AKT3: variants seen among roughly 807,000 people sequenced by gnomAD.
The protein encoded by AKT3 is AKT serine/threonine kinase 3, also known as RAC-gamma serine/threonine-protein kinase.
A neutral mutation model predicts 65.3 loss-of-function variants in AKT3; 15 were observed. The observed-to-expected ratio is 0.23, with a 90% CI of 0.15 to 0.35. The LOEUF is 0.35. Ranked by LOEUF, AKT3 falls within the 10% of genes least tolerant of loss-of-function variation. AKT3 has a pLI of 1.00. For missense variants in AKT3, 243 were observed against 576.5 expected (o/e 0.42, Z 5.92); for synonymous variants, 206 against 183.8 (o/e 1.12, Z -0.98).
At chr1:243,561,442 G>C (rs1673767224) in intron 10 of AKT3, among the ~76,000 whole-genome samples, 1 of 152,112 alleles carries the variant, frequency 6.6e-6, no homozygotes, top group Non-Finnish European at 1.5e-5. Flanking sequence ...GGGCTTTATA[G>C]TCAGACACAC....
chr1:243,488,568 G>C lies in AKT3; in HGVS notation c.*7-118C>G, dbSNP rs1367639159. ...CATCTGGTCAGCGATGCCGGAGCTC[G>C]TGATTGACTGAGTGATTAATAATGG... On this transcript the variant is annotated intron_variant, in intron 13 of 13. Transcript: ENST00000336199. 5 of 217,576 alleles carry C rather than the reference G, an allele frequency of 2.3e-5. No homozygotes were observed. In the East Asian group the frequency reaches 5.8e-4, roughly 25 times the overall value. 13.5% of individuals were successfully genotyped at this position (217,576 alleles called of 1,614,324 possible).
chr1:243,703,760 CAAAA>C, intron 2 of AKT3, among the ~76,000 whole-genome samples: 1 of 78,394 alleles, frequency 1.3e-5, no homozygotes, highest in African/African-American at 5.5e-5. Context: ...GACTCCATCT[CAAAA>C]AAAAAAAAAA....
chr1:243,508,875 G>A (rs1370052570), intron 13 of AKT3, among the ~76,000 whole-genome samples: 1 of 151,754 alleles, frequency 6.6e-6, no homozygotes, highest in African/African-American at 2.4e-5. Flanking sequence ...CACCATGTTG[G>A]CCAGGCTAGT....
In AKT3 at chr1:243,637,718, T is replaced by C; in HGVS notation, c.454A>G (p.Lys152Glu). The C allele has an allele frequency of 6.4e-7, 1 of 1,559,408 alleles. No individual in the cohort carries two copies. Among genetic ancestry groups the C allele is most frequent in the Non-Finnish European group, 8.8e-7 (1 of 1,135,858 alleles). Reference protein sequence around the residue: ...RKTMNDFDYLKLLGKGTFGKV... With the variant: ...RKTMNDFDYLELLGKGTFGKV... ...CCAAAAGTGCCTTTACCTAGTAGTT[T>C]CAAATAGTCAAAATCATTCATTGTC... Residue 152 changes from lysine to glutamate, a missense_variant, in exon 6 of 14, where the codon AAA becomes GAA. Lys to Glu is a moderately conservative substitution (Grantham distance 56). This residue lies in a region of AKT3 where 72 missense variants were observed against 86.0 expected (regional missense o/e 0.84). Coordinates refer to ENST00000673466, the MANE Select transcript of AKT3 (RefSeq NM_005465.7).
intron 2 of AKT3, among the ~76,000 whole-genome samples, chr1:243,718,778 T>C (rs940848613): frequency 6.6e-6 from 1 of 152,208 alleles, no homozygotes; most frequent in African/African-American, 2.4e-5. Context: ...CAGCCTCAGC[T>C]TCAATTATGA....
At chr1:243,629,774 T>G (rs1403111487) in intron 6 of AKT3, among the ~76,000 whole-genome samples, 3 of 152,106 alleles carry the variant, frequency 2.0e-5, no homozygotes, top group Non-Finnish European at 4.4e-5. Context: ...CCTGGGCGAC[T>G]GAGTGAGACT....
chr1:243,750,177 C>T (rs116464298), intron 2 of AKT3, among the ~76,000 whole-genome samples: 72 of 152,002 alleles, frequency 4.7e-4, no homozygotes, highest in African/African-American at 1.7e-3. Flanking sequence ...CTGCTTAATA[C>T]CCTCCTTTCC....
At chr1:243,588,801 C>A (rs1196139452) in intron 8 of AKT3, among the ~76,000 whole-genome samples, 1 of 151,876 alleles carries the variant, frequency 6.6e-6, no homozygotes, top group Non-Finnish European at 1.5e-5. Flanking sequence ...AGAAAACATA[C>A]CAAAAAAACC....
At chr1:243,661,540 A>T (rs1250598422) in intron 4 of AKT3, among the ~76,000 whole-genome samples, 19 of 150,638 alleles carry the variant, frequency 1.3e-4, no homozygotes, top group Admixed American at 1.3e-4. Flanking sequence ...CTTACACCTT[A>T]TACAAAAATC....
chr1:243,634,718 T>G (rs992828398), intron 6 of AKT3, among the ~76,000 whole-genome samples: 4 of 151,924 alleles, frequency 2.6e-5, no homozygotes, highest in Non-Finnish European at 5.9e-5. Flanking sequence ...CAAAAAAAGA[T>G]ATTATTAATA....
At chr1:243,726,812 T>A (rs1253842588) in intron 2 of AKT3, among the ~76,000 whole-genome samples, 1 of 152,336 alleles carries the variant, frequency 6.6e-6, no homozygotes, top group East Asian at 1.9e-4. Context: ...CAGGTAAGAA[T>A]TTGGCAAGAA....
At chr1:243,617,491 A>T (rs903697436) in intron 6 of AKT3, among the ~76,000 whole-genome samples, 1 of 152,180 alleles carries the variant, frequency 6.6e-6, no homozygotes, top group African/African-American at 2.4e-5. Context: ...TAAAAAAAAT[A>T]AGATCCCATT....
rs144459751 is a variant in AKT3 at position 243,791,393 on chromosome 1, A to G, written c.46+51732T>C. Reference sequence around the variant, plus strand: ...ACTGCATACCTATTATCTCAACTCCACTCCACTGGATAGAACATACTTCTC... The same window carrying G: ...ACTGCATACCTATTATCTCAACTCCGCTCCACTGGATAGAACATACTTCTC... On this transcript the variant is annotated intron_variant, in intron 2 of 13. Transcript: ENST00000673466. Among the ~76,000 whole-genome samples the G allele has an allele frequency of 2.0e-5, 3 of 152,056 alleles. No homozygotes were observed. In the East Asian group the frequency reaches 5.8e-4, roughly 29 times the overall value.
intron 8 of AKT3, among the ~76,000 whole-genome samples, chr1:243,583,000 TAAAA>T (rs556576980): frequency 7.3e-6 from 1 of 136,372 alleles, no homozygotes; most frequent in Non-Finnish European, 1.6e-5. Flanking sequence ...TAACAGCAGT[TAAAA>T]AAAAAAAAGA....
chr1:243,761,913 CTT>C (rs1450243569), intron 2 of AKT3, among the ~76,000 whole-genome samples: 4 of 152,226 alleles, frequency 2.6e-5, no homozygotes, highest in South Asian at 2.1e-4. Context: ...TGGAATCTCT[CTT>C]GTCTCAACGT....
chr1:243,849,665 G>A (rs1695675955), intron 1 of AKT3, among the ~76,000 whole-genome samples: 1 of 151,650 alleles, frequency 6.6e-6, no homozygotes, highest in Non-Finnish European at 1.5e-5. Context: ...GAGGGGCGAG[G>A]GGAAGGAGCG....
intron 2 of AKT3, among the ~76,000 whole-genome samples, chr1:243,765,439 A>C (rs1180612246): frequency 1.3e-5 from 2 of 152,134 alleles, no homozygotes; most frequent in Non-Finnish European, 2.9e-5. Flanking sequence ...CTTTATTTAA[A>C]CTACCCTGGT....
At chr1:243,649,229 G>A (rs1024971362) in intron 4 of AKT3, among the ~76,000 whole-genome samples, 4 of 151,566 alleles carry the variant, frequency 2.6e-5, no homozygotes, top group Non-Finnish European at 4.4e-5. Flanking sequence ...TTAATTCTGT[G>A]GATTACAGAA....
intron 8 of AKT3, among the ~76,000 whole-genome samples, chr1:243,608,743 C>CTTTTTTTTTTT: frequency 1.4e-5 from 1 of 70,796 alleles, no homozygotes; most frequent in Admixed American, 2.0e-4. Context: ...AAGTTTTTTG[C>CTTTTTTTTTTT]TTTTTTTTTT....
Sources: gnomAD v4.1 joint callset for allele counts (sites outside exome capture counted in the v4.1 genomes callset) on GRCh38, gnomAD v4.1.1 for gene constraint, gnomAD v4.1.1 regional missense constraint, MANE v1.5 for transcripts, NCBI Gene and HGNC (gene_info 2026-07-23, HGNC 2026-07-21) for gene names.